The following PRKAG1 variants were observed in gnomAD, a reference collection of about 807,000 sequenced individuals.
PRKAG1 encodes 5'-AMP-activated protein kinase subunit gamma-1.
In PRKAG1, 27 loss-of-function variants were observed where a neutral mutation model predicts 48.2. The observed-to-expected ratio is 0.56, with a 90% CI of 0.41 to 0.77. The LOEUF (loss-of-function observed/expected upper bound fraction) is 0.77, where lower values mean the gene tolerates loss of function less well. Ranked by LOEUF, PRKAG1 falls within the 30% of genes least tolerant of loss-of-function variation. The pLI is 0.00. For missense variants in PRKAG1, 287 were observed against 398.3 expected, an observed-to-expected ratio of 0.72 and a Z score of 2.38; for synonymous variants, 130 against 147.7, an observed-to-expected ratio of 0.88 and a Z score of 0.87.
At position 49,004,645 on chromosome 12, in the gene PRKAG1, T is replaced by C; in HGVS notation, c.411-12A>G. On this transcript the variant is annotated splice_polypyrimidine_tract_variant and intron_variant, in intron 7 of 11. Coordinates refer to ENST00000548065, the MANE Select transcript of PRKAG1 (RefSeq NM_002733.5). ...CAGCATCAAACAAGCTGTGAGAGGG[T>C]GGGAGATAATAAGTTCCACAGTGCT... 1.2e-6 allele frequency: 2 copies of C among 1,613,194 alleles called. No homozygotes were observed. Among genetic ancestry groups the C allele is most frequent in the South Asian group, 2.2e-5 (2 of 90,902 alleles).
At chr12:49,004,335 G>T in intron 8 of PRKAG1, 172 bp downstream of exon 8, 1 of 756,546 alleles carries the variant, frequency 1.3e-6, no homozygotes, top group Non-Finnish European at 2.2e-6. Flanking sequence ...TGGATGCAGT[G>T]GCTCACACCT....
intron 2 of PRKAG1, among the ~76,000 whole-genome samples, chr12:49,007,762 C>T (rs1166655202): frequency 6.6e-6 from 1 of 151,566 alleles, no homozygotes; most frequent in Non-Finnish European, 1.5e-5. Context: ...ATTTCTAGTT[C>T]TCTCTCCTAC....
chr12:49,010,237 A>AT (rs906827254), intron 2 of PRKAG1, among the ~76,000 whole-genome samples: 3 of 152,222 alleles, frequency 2.0e-5, no homozygotes, highest in African/African-American at 7.2e-5. Context: ...AACTTAAACC[A>AT]TAACTTAAGA....
Position 49,002,276 on chromosome 12 carries a change from G to A in PRKAG1, c.*623C>T, listed in dbSNP as rs983966575. The A allele has an allele frequency of 2.2e-5, 4 of 178,498 alleles. No individual in the cohort carries two copies. Among genetic ancestry groups the A allele is most frequent in the African/African-American group, 7.2e-5 (3 of 41,790 alleles). The allele number at this position is 178,498 out of a possible 1,614,324, so 11.1% of individuals were successfully genotyped here. A position where few individuals can be genotyped will look rare whatever the true frequency, so the allele number is the denominator to read the frequency against. The stretch of plus-strand genomic sequence containing the variant: ...TGTAAAAATCAAACACTGCAATATC[G>A]TGAAGAGATTCCTGTCATTTAATTA... On this transcript the variant is annotated 3_prime_UTR_variant, in exon 12 of 12. Coordinates refer to ENST00000548065, the MANE Select transcript of PRKAG1 (RefSeq NM_002733.5).
At chr12:49,014,138 C>A (rs1941874375) in intron 1 of PRKAG1, among the ~76,000 whole-genome samples, 1 of 152,162 alleles carries the variant, frequency 6.6e-6, no homozygotes, top group African/African-American at 2.4e-5. Context: ...CCCGCCTCAG[C>A]CTCACAAAGT....
At chr12:49,003,519 A>G in intron 10 of PRKAG1, 39 bp downstream of exon 10, 1 of 1,105,780 alleles carries the variant, frequency 9.0e-7, no homozygotes, top group Non-Finnish European at 1.3e-6. Context: ...CCCCCCCCCC[A>G]CCACTTCCCT....
intron 2 of PRKAG1, 83 bp downstream of exon 2, chr12:49,012,979 A>C: frequency 1.2e-5 from 16 of 1,362,658 alleles, no homozygotes; most frequent in Non-Finnish European, 1.7e-5. Flanking sequence ...TTTCCAGGGG[A>C]GAGATTCAAA....
chr12:49,003,403 C>A (rs2137649697), intron 10 of PRKAG1, 113 bp from the exon 11 acceptor site: 1 of 1,541,290 alleles, frequency 6.5e-7, no homozygotes, highest in East Asian at 2.3e-5. Flanking sequence ...ACAAGCCACA[C>A]CCAACTCATT....
At chr12:49,006,826 G>A (rs937451121) in intron 2 of PRKAG1, among the ~76,000 whole-genome samples, 2 of 151,920 alleles carry the variant, frequency 1.3e-5, no homozygotes, top group South Asian at 2.1e-4. Context: ...AAAATTAGCC[G>A]GGCATGGTGG....
chr12:49,011,555 CT>C (rs71802764), intron 2 of PRKAG1, among the ~76,000 whole-genome samples: 253 of 136,662 alleles, frequency 1.9e-3, no homozygotes, highest in Middle Eastern at 4.1e-3. Flanking sequence ...TAGTTGTCGC[CT>C]TTTTTTTTTT....
intron 9 of PRKAG1, 27 bp from the exon 10 acceptor site, chr12:49,003,622 G>A (rs201356498): frequency 8.1e-6 from 13 of 1,610,778 alleles, no homozygotes; most frequent in South Asian, 1.1e-5. Flanking sequence ...AGCTCAGTAA[G>A]GAGGATCTGG....
Position 49,010,674 on chromosome 12 carries a change from T to C in PRKAG1, c.58+2388A>G, listed in dbSNP as rs76398424. Among the ~76,000 whole-genome samples the C allele has an allele frequency of 2.7e-3, 414 of 152,284 alleles. 1 individual carries two copies. Among genetic ancestry groups the C allele is most frequent in the Non-Finnish European group, 4.1e-3 (282 of 68,012 alleles). ...TCCTCACTGCTAGTTATAATTCAGTTTTCTCAGGTCTAAGTCATTCATCAC... is the reference window on the plus strand; with the variant it reads ...TCCTCACTGCTAGTTATAATTCAGTCTTCTCAGGTCTAAGTCATTCATCAC... On this transcript the variant is annotated intron_variant, in intron 2 of 11. Transcript: ENST00000548065.
At chr12:49,008,257 G>T (rs908838273) in intron 2 of PRKAG1, among the ~76,000 whole-genome samples, 8 of 152,008 alleles carry the variant, frequency 5.3e-5, no homozygotes, top group African/African-American at 1.9e-4. Flanking sequence ...GTTTTACCTG[G>T]AGTTAATGTC....
chr12:49,004,813 CTGTGTGTGTGTGTGTGTGTG>C (rs3832821), intron 7 of PRKAG1, 131 bp downstream of exon 7: 214 of 714,442 alleles, frequency 3.0e-4, no homozygotes, highest in Middle Eastern at 1.2e-3. Flanking sequence ...GAGAGAGAGA[CTGTGTGTGTGTGTGTGTGTG>C]TGTGTGTGTG....
chr12:49,014,418 C>A (rs1312561583), intron 1 of PRKAG1, among the ~76,000 whole-genome samples: 1 of 152,188 alleles, frequency 6.6e-6, no homozygotes, highest in African/African-American at 2.4e-5. Flanking sequence ...TAGGGCTAAC[C>A]CCTACAAGAT....
At chr12:49,003,372 G>A in intron 10 of PRKAG1, 82 bp from the exon 11 acceptor site, 3 of 1,577,012 alleles carry the variant, frequency 1.9e-6, no homozygotes, top group South Asian at 1.1e-5. Context: ...TCAACAGAGG[G>A]ATTCAGGGCA....
chr12:49,012,132 C>G (rs536526204), intron 2 of PRKAG1, among the ~76,000 whole-genome samples: 1 of 152,326 alleles, frequency 6.6e-6, no homozygotes, highest in South Asian at 2.1e-4. Flanking sequence ...GCTGGGAATA[C>G]AGTCATGAAT....
intron 2 of PRKAG1, among the ~76,000 whole-genome samples, chr12:49,006,694 G>A (rs181723157): frequency 6.6e-6 from 1 of 152,368 alleles, no homozygotes; most frequent in African/African-American, 2.4e-5. Flanking sequence ...TTGAGGCTGG[G>A]CGTGGTGGCT....
chr12:49,004,742 G>C, intron 7 of PRKAG1, 109 bp from the exon 8 acceptor site: 1 of 1,523,500 alleles, frequency 6.6e-7, no homozygotes, highest in Non-Finnish European at 9.0e-7. Context: ...TAGGGAAGGG[G>C]GGCAGTGTAC....
Sources: gnomAD v4.1 joint callset for allele counts (sites outside exome capture counted in the v4.1 genomes callset) on GRCh38, gnomAD v4.1.1 for gene constraint, MANE v1.5 for transcripts, NCBI Gene and HGNC (gene_info 2026-07-23, HGNC 2026-07-21) for gene names.